The following USP11 variants were observed in gnomAD, a reference collection of about 807,000 sequenced individuals.
USP11 encodes ubiquitin specific peptidase 11.
In USP11, 5 loss-of-function variants were observed where a neutral mutation model predicts 72.8. The ratio of observed to expected loss-of-function variants is 0.07; its 90% CI spans 0.04 to 0.14. The LOEUF is 0.14. Ranked by LOEUF, USP11 falls within the 10% of genes least tolerant of loss-of-function variation. USP11 has a pLI of 1.00. For missense variants in USP11, 480 were observed against 794.7 expected, an observed-to-expected ratio of 0.60 and a Z score of 4.76; for synonymous variants, 368 against 326.5, an observed-to-expected ratio of 1.13 and a Z score of -1.37.
At chrX:47,244,389 G>A (rs150871869) in intron 13 of USP11, 109 bp from the exon 14 acceptor site, 140 of 906,712 alleles carry the variant, frequency 1.5e-4, no homozygotes, top group Middle Eastern at 2.8e-4. Flanking sequence ...GATTCAGAAC[G>A]GTTTACATGT....
At chrX:47,239,616 C>CAGGT in intron 3 of USP11, 135 bp downstream of exon 3, 1 of 1,036,306 alleles carries the variant, frequency 9.6e-7, no homozygotes, top group Non-Finnish European at 1.3e-6. Flanking sequence ...GCTCATCATA[C>CAGGT]AGGTATCTTT....
chrX:47,243,639 G>C, intron 13 of USP11, 37 bp downstream of exon 13: 1 of 1,174,940 alleles, frequency 8.5e-7, no homozygotes, highest in Non-Finnish European at 1.2e-6. Context: ...GGGGCGGAGG[G>C]GTCTGAACTC....
intron 17 of USP11, among the ~76,000 whole-genome samples, chrX:47,246,831 G>A (rs1254244800): frequency 9.0e-6 from 1 of 110,670 alleles, no homozygotes; most frequent in Non-Finnish European, 1.9e-5. Context: ...GGCCAGCCTG[G>A]CCAACATGGT....
chrX:47,239,708 A>T (rs1008993019), intron 3 of USP11, 82 bp from the exon 4 acceptor site: 11 of 1,041,843 alleles, frequency 1.1e-5, no homozygotes, highest in Non-Finnish European at 1.3e-5. Flanking sequence ...TGTAAGGCAG[A>T]GTGTGTGCTC....
At chrX:47,244,278 C>T (rs2055420054) in intron 13 of USP11, among the ~76,000 whole-genome samples, 1 of 109,938 alleles carries the variant, frequency 9.1e-6, no homozygotes. Context: ...ACACTCCACA[C>T]CTCTGACTGG....
rs377442049 is a variant in USP11, at chrX:47,245,075, G to A, written c.2146G>A (p.Val716Ile). ...PEMKKRYYDEVEAEGYVKHDC... is the reference protein window; with the variant it reads ...PEMKKRYYDEIEAEGYVKHDC... ...GATGAAGAAGCGTTACTATGACGAG[G>A]TAGAGGCTGAGGTAAATGAGATCCC... Residue 716 changes from valine to isoleucine, a missense_variant, in exon 16 of 21, where the codon GTA becomes ATA. By Grantham distance (29) the Val-to-Ile change is conservative (BLOSUM62 3). Around this residue, in one of 5 missense-constraint regions of USP11, gnomAD observed 314 missense variants for 556.0 expected, o/e 0.56. Transcript: ENST00000377107. The A allele has an allele frequency of 1.7e-6, 2 of 1,211,364 alleles. No homozygotes were observed. The highest frequency in any genetic ancestry group is 2.2e-6 in the Non-Finnish European group (2 of 895,268).
Position 47,244,690 on chromosome X carries a change from G to A in USP11, c.1852G>A (p.Glu618Lys), listed in dbSNP as rs772183853. The change falls in exon 15 of 21, where the codon GAG (glutamate) becomes AAG (lysine). Residue 618 changes from glutamate (E) to lysine (K), a missense_variant. This residue lies in a region of USP11 where 314 missense variants were observed against 556.0 expected (regional missense o/e 0.56). Coordinates refer to ENST00000377107, the MANE Select transcript of USP11 (RefSeq NM_001371072.1). Reference protein sequence around the residue: ...EDDGDEKEDDEEDKDDVPGPS... With the variant: ...EDDGDEKEDDKEDKDDVPGPS... ...ACATCCTCCTGTCCTAGAAGATGAC[G>A]AGGAGGATAAAGATGACGTCCCTGG... 1.1e-5 allele frequency: 13 copies of A among 1,208,016 alleles called. No homozygotes were observed. Among genetic ancestry groups the A allele is most frequent in the Non-Finnish European group, 1.5e-5 (13 of 893,651 alleles).
chrX:47,248,214 AGTGTTCTGC>A lies in USP11; in HGVS notation c.*288_*296del, dbSNP rs1193778288. On this transcript the variant is annotated 3_prime_UTR_variant, in exon 21 of 21. Coordinates refer to ENST00000377107, the MANE Select transcript of USP11 (RefSeq NM_001371072.1). The stretch of plus-strand genomic sequence containing the variant: ...GTGCCCTTCCCTCTCCTCAGCCCAG[AGTGTTCTGC>A]GTGGGTGGTGATGGGGGTTCACCTG... The A allele has an allele frequency of 3.0e-6, 1 of 331,329 alleles. No individual in the cohort carries two copies. The highest frequency in any genetic ancestry group is 5.2e-6 in the Non-Finnish European group (1 of 193,378). 27.3% of individuals were successfully genotyped at this position (331,329 alleles called of 1,213,427 possible).
At chrX:47,241,982 T>C (rs2055405675) in intron 9 of USP11, 100 bp from the exon 10 acceptor site, 4 of 924,337 alleles carry the variant, frequency 4.3e-6, no homozygotes, top group East Asian at 3.4e-5. Context: ...CTCTGGACTT[T>C]AGCAGTGGCC....
chrX:47,239,920 G>A lies in USP11; in HGVS notation c.535+13G>A, dbSNP rs187876334. On this transcript the variant is annotated intron_variant, in intron 4 of 20. Transcript: ENST00000377107. ...ACCGATTCTATTGGTGAGTCTAAGG[G>A]TCACGCAATGGGTTGGTGTTCCTAG... 3.1e-4 allele frequency: 374 copies of A among 1,192,538 alleles called. No homozygotes were observed. The highest frequency in any genetic ancestry group is 3.7e-4 in the Non-Finnish European group (327 of 879,348).
At chrX:47,242,001 C>T in intron 9 of USP11, 81 bp from the exon 10 acceptor site, 2 of 1,040,200 alleles carry the variant, frequency 1.9e-6, no homozygotes, top group Non-Finnish European at 2.6e-6. Flanking sequence ...CCTTCCGCTT[C>T]ACCCCATTTG....
At chrX:47,239,291 AGTCATTC>A (rs2147350658) in intron 2 of USP11, 53 bp from the exon 3 acceptor site, 1 of 1,190,862 alleles carries the variant, frequency 8.4e-7, no homozygotes, top group East Asian at 3.0e-5. Flanking sequence ...GGGTGGCCAG[AGTCATTC>A]GTCAGTTTCC....
chrX:47,243,485 G>A lies in USP11; in HGVS notation c.1673G>A (p.Arg558His), dbSNP rs371405317. 1.1e-5 allele frequency: 13 copies of A among 1,209,479 alleles called. No individual in the cohort carries two copies. Among genetic ancestry groups the A allele is most frequent in the African/African-American group, 7.0e-5 (4 of 56,959 alleles). The change falls in exon 13 of 21, where the codon CGT becomes CAT. Residue 558 changes from arginine (R) to histidine (H), a missense_variant. By Grantham distance (29) the Arg-to-His change is conservative. Transcript: ENST00000377107. ...PVYLRERTPA[R>H]DYNNSYYGLM... is the part of the protein sequence containing the mutation. ...TACCTGCGGGAGCGCACCCCTGCCC[G>A]TGACTACAACAACTCCTACTACGGC...
At chrX:47,242,773 C>T (rs2055410059) in intron 12 of USP11, 53 bp downstream of exon 12, 1 of 963,244 alleles carries the variant, frequency 1.0e-6, no homozygotes, top group Non-Finnish European at 1.5e-6. Context: ...GGTCCACTTC[C>T]TTTTGTATGG....
intron 3 of USP11, 143 bp from the exon 4 acceptor site, chrX:47,239,645 CCT>C (rs1305659789): frequency 9.3e-6 from 9 of 972,550 alleles, no homozygotes; most frequent in African/African-American, 1.9e-5. Flanking sequence ...TGTGTGTTCC[CCT>C]GTGTGGCTCT....
At chrX:47,242,793 A>G (rs2055410189) in intron 12 of USP11, 73 bp downstream of exon 12, 1 of 816,961 alleles carries the variant, frequency 1.2e-6, no homozygotes, top group East Asian at 3.1e-5. Context: ...GTCCTGCCTT[A>G]ACCACCTTCT....
Position 47,245,469 on chromosome X carries a change from A to G in USP11, c.2257A>G (p.Lys753Glu), listed in dbSNP as rs2055427572. The G allele has an allele frequency of 8.3e-7, 1 of 1,202,086 alleles. No homozygotes were observed. Among genetic ancestry groups the G allele is most frequent in the South Asian group, 1.8e-5 (1 of 56,616 alleles). ...CTTCACCACTGTGGAGACCCTGGAG[A>G]AGGAAAACCCCTGGTGAGGGGCCAG... ...ELFTTVETLEKENPWYCPSCK... is the reference protein window; with the variant it reads ...ELFTTVETLEEENPWYCPSCK... Residue 753 changes from lysine to glutamate, a missense_variant, in exon 17 of 21, where the codon AAG becomes GAG. Transcript: ENST00000377107.
chrX:47,236,515 G>A (rs1444989054), intron 1 of USP11, among the ~76,000 whole-genome samples: 1 of 112,336 alleles, frequency 8.9e-6, no homozygotes, highest in African/African-American at 3.2e-5. Flanking sequence ...ATTTCTGGGA[G>A]AAGCTTGTAT....
intron 19 of USP11, 90 bp downstream of exon 19, chrX:47,247,509 G>C: frequency 5.2e-6 from 6 of 1,160,426 alleles, no homozygotes; most frequent in Non-Finnish European, 7.0e-6. Flanking sequence ...AGGGATGTGA[G>C]CCAGTGGTGA....
Sources: gnomAD v4.1 joint callset for allele counts (sites outside exome capture counted in the v4.1 genomes callset) on GRCh38, gnomAD v4.1.1 for gene constraint, gnomAD v4.1.1 regional missense constraint, MANE v1.5 for transcripts, NCBI Gene and HGNC (gene_info 2026-07-23, HGNC 2026-07-21) for gene names.